The following RARB variants were observed in gnomAD, a reference collection of about 807,000 sequenced individuals.
RARB encodes retinoic acid receptor beta.
A neutral mutation model predicts 51.9 loss-of-function variants in RARB; 17 were observed. The observed-to-expected ratio is 0.33, with a 90% confidence interval of 0.22 to 0.49. The LOEUF (loss-of-function observed/expected upper bound fraction) is 0.49, where lower values mean the gene tolerates loss of function less well. Among genes scored for constraint, RARB ranks in the 20% least tolerant of loss-of-function variants. The pLI, the probability that RARB is intolerant of heterozygous loss-of-function variation, is 0.99. For synonymous variants in RARB, 215 were observed against 195.4 expected, an observed-to-expected ratio of 1.10 and a Z score of -0.84; for missense variants, 369 against 550.8, an observed-to-expected ratio of 0.67 and a Z score of 3.30.
chr3:25,592,066 T>A (rs1643833233), intron 5 of RARB, among the ~76,000 whole-genome samples: 1 of 152,116 alleles, frequency 6.6e-6, no homozygotes, highest in African/African-American at 2.4e-5. Flanking sequence ...CCTGACAAGA[T>A]GAGAGATTTG....
intron 5 of RARB, among the ~76,000 whole-genome samples, chr3:25,338,903 A>T (rs1384763933): frequency 6.6e-6 from 1 of 152,122 alleles, no homozygotes; most frequent in African/African-American, 2.4e-5. Context: ...AGCACTTGGC[A>T]CAGCAGGGGG....
intron 4 of RARB, among the ~76,000 whole-genome samples, chr3:25,143,375 C>CA (rs1575179964): frequency 6.6e-6 from 1 of 152,058 alleles, no homozygotes; most frequent in South Asian, 2.1e-4. Flanking sequence ...CTGTTTTTCC[C>CA]AAAAAACCCC....
At chr3:25,141,783 A>C (rs1432917199) in intron 4 of RARB, among the ~76,000 whole-genome samples, 2 of 152,156 alleles carry the variant, frequency 1.3e-5, no homozygotes, top group Admixed American at 6.5e-5. Flanking sequence ...CAGTTTGGTA[A>C]ATCTAGATTT....
intron 2 of RARB, among the ~76,000 whole-genome samples, chr3:25,037,946 G>A (rs977085814): frequency 1.3e-5 from 2 of 152,124 alleles, no homozygotes. Flanking sequence ...TATTCCAGGA[G>A]AGAAATTGTC....
intron 2 of RARB, among the ~76,000 whole-genome samples, chr3:24,872,921 C>T (rs1395774689): frequency 6.6e-6 from 1 of 152,174 alleles, no homozygotes; most frequent in Admixed American, 6.5e-5. Flanking sequence ...TGTTTTCACA[C>T]CAGTTATTTT....
intron 5 of RARB, among the ~76,000 whole-genome samples, chr3:25,281,794 C>T (rs1020990271): frequency 6.6e-6 from 1 of 152,186 alleles, no homozygotes; most frequent in Non-Finnish European, 1.5e-5. Context: ...AAATGTATTA[C>T]TTCAACCAGG....
chr3:24,969,628 A>C (rs1696350072), intron 2 of RARB, among the ~76,000 whole-genome samples: 1 of 152,126 alleles, frequency 6.6e-6, no homozygotes, highest in South Asian at 2.1e-4. Flanking sequence ...TCAATACATC[A>C]AATTGCCAAG....
intron 3 of RARB, among the ~76,000 whole-genome samples, chr3:25,544,601 G>C (rs1433502213): frequency 6.6e-6 from 1 of 152,178 alleles, no homozygotes; most frequent in Non-Finnish European, 1.5e-5. Context: ...TCTCCTGGTA[G>C]ATTGTAGAAC....
At chr3:25,218,882 A>G (rs1701888153) in intron 5 of RARB, among the ~76,000 whole-genome samples, 1 of 152,098 alleles carries the variant, frequency 6.6e-6, no homozygotes, top group African/African-American at 2.4e-5. Flanking sequence ...TCTTTCTGCT[A>G]CCCCACCCTG....
chr3:24,941,096 AT>A (rs1695657064), intron 2 of RARB, among the ~76,000 whole-genome samples: 1 of 152,074 alleles, frequency 6.6e-6, no homozygotes, highest in Admixed American at 6.6e-5. Flanking sequence ...TGATACTTTA[AT>A]TTAGAATGGG....
At chr3:25,439,314 T>G (rs571792553) in intron 1 of RARB, among the ~76,000 whole-genome samples, 1 of 152,352 alleles carries the variant, frequency 6.6e-6, no homozygotes, top group Admixed American at 6.5e-5. Flanking sequence ...AAACCTAAGT[T>G]AACCATTACC....
chr3:25,548,642 CA>C (rs35411774), intron 3 of RARB, among the ~76,000 whole-genome samples: 7,116 of 73,574 alleles, frequency 0.097, 148 homozygotes, highest in African/African-American at 0.12. Context: ...CCTCCCCCGA[CA>C]AAAAAAAAAA....
chr3:24,951,963 C>T (rs529221474), intron 2 of RARB, among the ~76,000 whole-genome samples: 56 of 152,320 alleles, frequency 3.7e-4, no homozygotes, highest in South Asian at 8.3e-4. Flanking sequence ...TACACCCTTG[C>T]TCTATGCAGT....
chr3:25,328,392 C>T (rs915924889), intron 5 of RARB, among the ~76,000 whole-genome samples: 3 of 152,232 alleles, frequency 2.0e-5, no homozygotes, highest in Non-Finnish European at 4.4e-5. Context: ...TGGTGGTGCA[C>T]ACCTGTAATC....
chr3:24,991,077 C>T (rs1559425004), intron 2 of RARB, among the ~76,000 whole-genome samples: 1 of 152,162 alleles, frequency 6.6e-6, no homozygotes, highest in East Asian at 1.9e-4. Context: ...CAGCAGCCTT[C>T]TTGAATTATT....
At chr3:24,869,263 C>G (rs969166076) in intron 2 of RARB, among the ~76,000 whole-genome samples, 1 of 152,088 alleles carries the variant, frequency 6.6e-6, no homozygotes, top group African/African-American at 2.4e-5. Context: ...GTTTACAAAT[C>G]TGGTCAACTT....
chr3:25,374,213 A>G (rs61165804), intron 5 of RARB, among the ~76,000 whole-genome samples: 6,233 of 152,182 alleles, frequency 0.041, 141 homozygotes, highest in Middle Eastern at 0.065. Context: ...ACGCAAATAC[A>G]TTCACACACT....
At chr3:24,841,651 T>A (rs1702422964) in intron 1 of RARB, among the ~76,000 whole-genome samples, 1 of 152,220 alleles carries the variant, frequency 6.6e-6, no homozygotes, top group African/African-American at 2.4e-5. Flanking sequence ...ATAATTCTAA[T>A]CCTAATAGTC....
intron 3 of RARB, among the ~76,000 whole-genome samples, chr3:25,129,564 A>T (rs78289374): frequency 1.3e-5 from 2 of 152,110 alleles, no homozygotes; most frequent in Non-Finnish European, 2.9e-5. Context: ...TGTCTAAATT[A>T]TAGTCATAGA....
Sources: allele counts gnomAD v4.1 joint callset (sites outside exome capture counted in the v4.1 genomes callset), GRCh38; gene constraint gnomAD v4.1.1; transcripts MANE v1.5; gene names NCBI Gene and HGNC (gene_info 2026-07-23, HGNC 2026-07-21).